Variants in DAB1 observed in about 807,000 individuals in gnomAD.
The protein encoded by DAB1 is disabled homolog 1.
Under a neutral mutation model 64.6 loss-of-function variants are expected in DAB1, and 15 were observed. The ratio of observed to expected loss-of-function variants is 0.23; its 90% confidence interval spans 0.16 to 0.36. DAB1 has a LOEUF of 0.36. Ranked by LOEUF, DAB1 falls within the 10% of genes least tolerant of loss-of-function variation. The pLI is 1.00. For synonymous variants in DAB1, 235 were observed against 251.9 expected, an observed-to-expected ratio of 0.93 and a Z score of 0.64; for missense variants, 596 against 706.7, an observed-to-expected ratio of 0.84 and a Z score of 1.78.
At chr1:57,390,078 T>C (rs1219182631) in intron 1 of DAB1, among the ~76,000 whole-genome samples, 1 of 152,224 alleles carries the variant, frequency 6.6e-6, no homozygotes, top group African/African-American at 2.4e-5. Flanking sequence ...GTGGCACTGT[T>C]AACACATACC....
chr1:58,505,364 T>G (rs949463299), intron 3 of DAB1, among the ~76,000 whole-genome samples: 14 of 152,186 alleles, frequency 9.2e-5, no homozygotes, highest in Non-Finnish European at 1.9e-4. Flanking sequence ...ACAAGTGAGA[T>G]AGAAGAGAGC....
intron 7 of DAB1, among the ~76,000 whole-genome samples, chr1:57,635,758 C>T (rs915701594): frequency 1.3e-5 from 2 of 152,110 alleles, no homozygotes; most frequent in Non-Finnish European, 2.9e-5. Context: ...AAAACCAGTC[C>T]CTGGTGCCAA....
rs71801142 is a variant in DAB1 at position 57,080,756 on chromosome 1, GCA to G, written c.307-8344_307-8343del. ...TTACAACACACACACACACACACAC[GCA>G]CACACACACACACACACCTTAAATA... On this transcript the variant is annotated intron_variant, in intron 4 of 14. Coordinates refer to ENST00000371236, the MANE Select transcript of DAB1 (RefSeq NM_001365792.1). 1.6e-3 allele frequency among the ~76,000 whole-genome samples: 226 copies of G among 143,264 alleles called. 2 individuals carry two copies. In the East Asian group the frequency reaches 0.021, roughly 13 times the overall value. The allele number at this position is 143,264 out of a possible 152,430, so 94.0% of individuals were successfully genotyped here.
At chr1:58,121,951 G>A (rs1262524856) in intron 5 of DAB1, among the ~76,000 whole-genome samples, 1 of 152,118 alleles carries the variant, frequency 6.6e-6, no homozygotes, top group African/African-American at 2.4e-5. Flanking sequence ...TTCTCCCATG[G>A]CTCTGTGCCT....
At chr1:57,373,198 T>G (rs1339279105) in intron 1 of DAB1, among the ~76,000 whole-genome samples, 4 of 151,886 alleles carry the variant, frequency 2.6e-5, no homozygotes, top group Admixed American at 2.6e-4. Flanking sequence ...CAAAATAAAT[T>G]AAAAAGAATG....
chr1:58,497,697 C>T (rs2100396056), intron 3 of DAB1, among the ~76,000 whole-genome samples: 1 of 152,200 alleles, frequency 6.6e-6, no homozygotes, highest in Non-Finnish European at 1.5e-5. Flanking sequence ...CCTCTCTGTA[C>T]CAGAAAGAGA....
At chr1:57,336,451 A>G (rs1677084275) in intron 1 of DAB1, among the ~76,000 whole-genome samples, 1 of 152,216 alleles carries the variant, frequency 6.6e-6, no homozygotes. Context: ...CAGCCCAAGT[A>G]TGCTAATGTT....
intron 6 of DAB1, among the ~76,000 whole-genome samples, chr1:57,790,872 T>C (rs35738462): frequency 0.38 from 58,002 of 151,978 alleles, 11,454 homozygotes; most frequent in South Asian, 0.49. Context: ...GGTGCATTAC[T>C]ACACACACAC....
chr1:57,044,793 T>C (rs2100496642), intron 9 of DAB1, among the ~76,000 whole-genome samples: 1 of 152,310 alleles, frequency 6.6e-6, no homozygotes, highest in South Asian at 2.1e-4. Flanking sequence ...CATTCTGGAC[T>C]CAAGAGGAAG....
intron 5 of DAB1, among the ~76,000 whole-genome samples, chr1:58,127,527 C>T (rs1459663819): frequency 6.6e-6 from 1 of 151,846 alleles, no homozygotes; most frequent in African/African-American, 2.4e-5. Flanking sequence ...GACATGAAGT[C>T]CTTGCCCATG....
intron 4 of DAB1, among the ~76,000 whole-genome samples, chr1:58,248,444 C>T (rs1055391967): frequency 6.6e-6 from 1 of 152,142 alleles, no homozygotes; most frequent in South Asian, 2.1e-4. Flanking sequence ...TGGGGCCCCA[C>T]GTCGCTAAAT....
Position 57,418,121 on chromosome 1 carries a change from C to T in DAB1, c.-137+5809G>A, listed in dbSNP as rs1184574544. Among the ~76,000 whole-genome samples, 5 of 152,268 alleles carry T rather than the reference C, an allele frequency of 3.3e-5. No individual in the cohort carries two copies. The East Asian group carries it at 9.7e-4, about 29-fold the overall frequency. ...TTGCATCTTGGTACTCTTCACAATG[C>T]CTAGCACAGAGCCAGAGTCAAGCAC... On this transcript the variant is annotated intron_variant, in intron 1 of 14. Transcript: ENST00000371236.
intron 6 of DAB1, among the ~76,000 whole-genome samples, chr1:57,739,438 TCCCCTCCCCTCCCCTCCCCTTCCCTC>T (rs1647860319): frequency 4.1e-4 from 5 of 12,322 alleles, no homozygotes; most frequent in African/African-American, 1.6e-3. Flanking sequence ...TCCCCTCCCC[TCCCCTCCCCTCCCCTCCCCTTCCCTC>T]CCCTCCCCTC....
At chr1:57,258,575 C>T (rs1046792966) in intron 2 of DAB1, among the ~76,000 whole-genome samples, 4 of 152,146 alleles carry the variant, frequency 2.6e-5, no homozygotes, top group African/African-American at 9.7e-5. Context: ...TCTCCCAAAT[C>T]GCTTTCCTCA....
intron 3 of DAB1, among the ~76,000 whole-genome samples, chr1:58,439,787 C>T (rs1001938940): frequency 1.3e-5 from 2 of 152,312 alleles, no homozygotes; most frequent in African/African-American, 4.8e-5. Flanking sequence ...TATGTTGAGG[C>T]CCGTCTGTAT....
intron 2 of DAB1, among the ~76,000 whole-genome samples, chr1:57,289,375 G>A (rs1196112023): frequency 6.6e-6 from 1 of 152,212 alleles, no homozygotes; most frequent in African/African-American, 2.4e-5. Context: ...TTGAATTCTA[G>A]TACATACTGG....
chr1:57,722,467 G>C (rs2101760646), intron 6 of DAB1, among the ~76,000 whole-genome samples: 1 of 152,232 alleles, frequency 6.6e-6, no homozygotes, highest in East Asian at 1.9e-4. Flanking sequence ...TAAACACAAT[G>C]CTGTCATCAT....
At chr1:57,572,316 T>C (rs1558505818) in intron 7 of DAB1, among the ~76,000 whole-genome samples, 1 of 152,172 alleles carries the variant, frequency 6.6e-6, no homozygotes, top group African/African-American at 2.4e-5. Flanking sequence ...CATGGGCTTT[T>C]GTTTCCTCAT....
At chr1:57,966,627 G>A (rs963126698) in intron 5 of DAB1, among the ~76,000 whole-genome samples, 2 of 152,132 alleles carry the variant, frequency 1.3e-5, no homozygotes, top group Non-Finnish European at 2.9e-5. Flanking sequence ...TTATGTTTTG[G>A]GGTAATTCGT....
Sources: gnomAD v4.1 joint callset for allele counts (sites outside exome capture counted in the v4.1 genomes callset) on GRCh38, gnomAD v4.1.1 for gene constraint, MANE v1.5 for transcripts, NCBI Gene and HGNC (gene_info 2026-07-23, HGNC 2026-07-21) for gene names.